The following ACOX2 variants were observed in gnomAD, a reference collection of about 807,000 sequenced individuals.
The protein encoded by ACOX2 is acyl-CoA oxidase 2, also known as peroxisomal acyl-coenzyme A oxidase 2.
In ACOX2, 59 loss-of-function variants were observed where a neutral mutation model predicts 77.5. The ratio of observed to expected loss-of-function variants is 0.76; its 90% CI spans 0.62 to 0.95. ACOX2 has a LOEUF of 0.95. Among genes scored for constraint, ACOX2 ranks in the 40% least tolerant of loss-of-function variants. ACOX2 has a pLI of 0.00. For missense variants in ACOX2, 837 were observed against 880.4 expected (o/e 0.95, Z 0.62); for synonymous variants, 317 against 340.1 (o/e 0.93, Z 0.75).
chr3:58,516,907 A>C (rs2063325088), intron 13 of ACOX2, among the ~76,000 whole-genome samples: 1 of 152,234 alleles, frequency 6.6e-6, no homozygotes, highest in South Asian at 2.1e-4. Context: ...CATATCATTC[A>C]TATGTAGCAT....
Position 58,522,331 on chromosome 3 carries a change from GT to G in ACOX2, c.1632+164del, listed in dbSNP as rs749491200. ...GCCAGCAAGATTGCTTTGGAGTTAA[GT>G]CCTTTAATTAAAATACCCTGGACTA... On this transcript the variant is annotated intron_variant, in intron 12 of 14. Coordinates refer to ENST00000302819, the MANE Select transcript of ACOX2 (RefSeq NM_003500.4). This position sits in a 1 kb window ranked among gnomAD's most constrained non-coding sequence, Gnocchi z 4.3. 1.8e-4 allele frequency among the ~76,000 whole-genome samples: 27 copies of G among 152,328 alleles called. No individual in the cohort carries two copies. The highest frequency in any genetic ancestry group is 2.6e-4 in the Non-Finnish European group (18 of 68,038).
chr3:58,531,651 C>G lies in ACOX2; in HGVS notation c.703+42G>C, dbSNP rs774296304. 9 of 1,603,282 alleles carry G rather than the reference C, an allele frequency of 5.6e-6. No individual in the cohort carries two copies. The highest frequency in any genetic ancestry group is 7.7e-6 in the Non-Finnish European group (9 of 1,174,284). On this transcript the variant is annotated intron_variant, in intron 6 of 14. Coordinates refer to ENST00000302819, the MANE Select transcript of ACOX2 (RefSeq NM_003500.4). This position sits in a 1 kb window ranked among gnomAD's most constrained non-coding sequence, Gnocchi z 5.8. Reference sequence around the variant, plus strand: ...CCAGGTCAGGGAGGCCACCTGGGCTCTCCTCCTGGCAGGGTTCCTTGAGGG... The same window carrying G: ...CCAGGTCAGGGAGGCCACCTGGGCTGTCCTCCTGGCAGGGTTCCTTGAGGG...
chr3:58,532,258 C>G (rs2108010429), intron 5 of ACOX2, among the ~76,000 whole-genome samples: 1 of 152,242 alleles, frequency 6.6e-6, no homozygotes, highest in South Asian at 2.1e-4. Context: ...CATCTGTACC[C>G]TGGTCTGTCT....
chr3:58,534,131 T>C lies in ACOX2; in HGVS notation c.338A>G (p.Asp113Gly), dbSNP rs1335902164. The change falls in exon 4 of 15, where the codon GAC becomes GGC. Residue 113 changes from aspartate to glycine, a missense_variant. Physicochemically the swap from Asp to Gly is moderately conservative, Grantham distance 94. Coordinates refer to ENST00000302819, the MANE Select transcript of ACOX2 (RefSeq NM_003500.4). This position sits in a 1 kb window ranked among gnomAD's most constrained non-coding sequence, Gnocchi z 4.8. ...GACTCTGTGTATATTTAAGGCCACG[T>C]CTCCAGAAAGGGCTCTGTTGGGGAG... is the stretch of plus-strand genomic sequence containing the variant. ...LGYAYRALSG[D>G]VALNIHRVFV... The C allele has an allele frequency of 6.2e-7, 1 of 1,614,136 alleles. No homozygotes were observed. Among genetic ancestry groups the C allele is most frequent in the Middle Eastern group, 1.7e-4 (1 of 6,060 alleles).
rs1025216587 is a variant in ACOX2, at chr3:58,528,380, G to C, written c.1155+414C>G. 6.6e-6 allele frequency among the ~76,000 whole-genome samples: 1 copy of C among 152,178 alleles called. No individual in the cohort carries two copies. The highest frequency in any genetic ancestry group is 2.1e-4 in the South Asian group (1 of 4,828). On this transcript the variant is annotated intron_variant, in intron 9 of 14. Transcript: ENST00000302819. This position sits in a 1 kb window ranked among gnomAD's most constrained non-coding sequence, Gnocchi z 5.6. Reference sequence around the variant, plus strand: ...GCATTTTATATAATAGCCCCAGTGGGGTTTGGGGCAGCTTTAGTGATTAAA... The same window carrying C: ...GCATTTTATATAATAGCCCCAGTGGCGTTTGGGGCAGCTTTAGTGATTAAA...
intron 13 of ACOX2, among the ~76,000 whole-genome samples, chr3:58,510,743 C>T (rs1479698364): frequency 1.0e-5 from 1 of 99,332 alleles, no homozygotes; most frequent in African/African-American, 4.0e-5. Flanking sequence ...CACACACACT[C>T]AACGATTTTT....
In ACOX2 at chr3:58,524,879, A is replaced by C. The variant is rs1198933220; in HGVS notation, c.1347-274T>G. Among the ~76,000 whole-genome samples the C allele has an allele frequency of 6.6e-6, 1 of 152,200 alleles. No individual in the cohort carries two copies. The highest frequency in any genetic ancestry group is 1.5e-5 in the Non-Finnish European group (1 of 68,046). On this transcript the variant is annotated intron_variant, in intron 10 of 14. Transcript: ENST00000302819. The surrounding 1 kb of genome is among the most constrained non-coding windows in gnomAD (Gnocchi z 5.5). ...ACCCTTCTGTGATCTGAGCAAACAG[A>C]ATTTTCCATCAGAACACTGTGATTT...
chr3:58,524,478 C>A lies in ACOX2; in HGVS notation c.1474G>T (p.Asp492Tyr). The change falls in exon 11 of 15, where the codon GAC becomes TAC. Residue 492 changes from aspartate to tyrosine, a missense_variant. Physicochemically the swap from Asp to Tyr is radical, Grantham distance 160. Coordinates refer to ENST00000302819, the MANE Select transcript of ACOX2 (RefSeq NM_003500.4). This position sits in a 1 kb window ranked among gnomAD's most constrained non-coding sequence, Gnocchi z 5.5. ...LARCPAQRAA[D>Y]FLCPELYTTA... ...GTGTAGAGCTCCGGGCAGAGGAAGT[C>A]GGCTGCCCTCTGGGCTGGACACCTG... 1 of 1,613,886 alleles carries A rather than the reference C, an allele frequency of 6.2e-7. No homozygotes were observed. The highest frequency in any genetic ancestry group is 8.5e-7 in the Non-Finnish European group (1 of 1,179,932).
chr3:58,526,383 C>G lies in ACOX2; in HGVS notation c.1346+83G>C. 6.9e-7 allele frequency: 1 copy of G among 1,443,384 alleles called. No individual in the cohort carries two copies. The highest frequency in any genetic ancestry group is 1.4e-5 in the African/African-American group (1 of 69,962). 89.4% of individuals were successfully genotyped at this position (1,443,384 alleles called of 1,614,324 possible). On this transcript the variant is annotated intron_variant, in intron 10 of 14. Coordinates refer to ENST00000302819, the MANE Select transcript of ACOX2 (RefSeq NM_003500.4). The surrounding 1 kb of genome is among the most constrained non-coding windows in gnomAD (Gnocchi z 4.3). The stretch of plus-strand genomic sequence containing the variant: ...TCGCAAAGCCTGCTCTTTTTATGGG[C>G]CTCAGACGGAACCCTCCACCCAACA...
intron 1 of ACOX2, among the ~76,000 whole-genome samples, chr3:58,536,882 CAT>C (rs755183075): frequency 9.2e-5 from 14 of 152,196 alleles, no homozygotes; most frequent in Non-Finnish European, 1.5e-4. Context: ...TTACTCATTT[CAT>C]ATGTTTTTGT....
Position 58,537,167 on chromosome 3 carries a change from C to A in ACOX2, c.-140G>T, listed in dbSNP as rs886094442. On this transcript the variant is annotated 5_prime_UTR_variant, in exon 1 of 15. Coordinates refer to ENST00000302819, the MANE Select transcript of ACOX2 (RefSeq NM_003500.4). Reference sequence around the variant, plus strand: ...CGCACTGTAGGCCGGGCTGGCCTCTCCCCGGCTGTAGGCCGCAGCCTCTGG... The same window carrying A: ...CGCACTGTAGGCCGGGCTGGCCTCTACCCGGCTGTAGGCCGCAGCCTCTGG... The A allele has an allele frequency of 6.6e-6, 1 of 152,566 alleles. No homozygotes were observed. The highest frequency in any genetic ancestry group is 1.5e-5 in the Non-Finnish European group (1 of 68,334). 9.5% of individuals were successfully genotyped at this position (152,566 alleles called of 1,614,324 possible).
At position 58,531,163 on chromosome 3, in the gene ACOX2, G is replaced by T; in HGVS notation, c.819+88C>A. 1 of 1,207,494 alleles carries T rather than the reference G, an allele frequency of 8.3e-7. No homozygotes were observed. Among genetic ancestry groups the T allele is most frequent in the Non-Finnish European group, 1.2e-6 (1 of 848,018 alleles). 74.8% of individuals were successfully genotyped at this position (1,207,494 alleles called of 1,614,324 possible). A position where few individuals can be genotyped will look rare whatever the true frequency, so the allele number is the denominator to read the frequency against. On this transcript the variant is annotated intron_variant, in intron 7 of 14. Coordinates refer to ENST00000302819, the MANE Select transcript of ACOX2 (RefSeq NM_003500.4). The surrounding 1 kb of genome is among the most constrained non-coding windows in gnomAD (Gnocchi z 5.8). ...GAGGAGGTTATGTGGCCCAAACTAA[G>T]CTCTATGGAGGACCCAGGCCCAGCC...
At position 58,534,015 on chromosome 3, in the gene ACOX2, C is replaced by T; in HGVS notation, c.454G>A (p.Ala152Thr). 1 of 1,614,200 alleles carries T rather than the reference C, an allele frequency of 6.2e-7. No individual in the cohort carries two copies. Among genetic ancestry groups the T allele is most frequent in the South Asian group, 1.1e-5 (1 of 91,080 alleles). The change falls in exon 4 of 15, where the codon GCA becomes ACA. Residue 152 changes from alanine to threonine, a missense_variant. Ala to Thr is a moderately conservative substitution (Grantham distance 58, BLOSUM62 0). Transcript: ENST00000302819. This position sits in a 1 kb window ranked among gnomAD's most constrained non-coding sequence, Gnocchi z 4.8. Reference protein sequence around the residue: ...CKNIQIIATYAQTELGHGTYL... With the variant: ...CKNIQIIATYTQTELGHGTYL... The stretch of plus-strand genomic sequence containing the variant: ...TCACCATGTCCCAACTCTGTCTGTG[C>T]ATACGTTGCGATGATCTGGATGTTT...
Position 58,526,400 on chromosome 3 carries a change from C to T in ACOX2, c.1346+66G>A. 1 of 1,501,756 alleles carries T rather than the reference C, an allele frequency of 6.7e-7. No homozygotes were observed. The highest frequency in any genetic ancestry group is 1.3e-5 in the South Asian group (1 of 75,688). The allele number at this position is 1,501,756 out of a possible 1,614,324, so 93.0% of individuals were successfully genotyped here. On this transcript the variant is annotated intron_variant, in intron 10 of 14. Transcript: ENST00000302819. The surrounding 1 kb of genome is among the most constrained non-coding windows in gnomAD (Gnocchi z 4.3). ...TTTATGGGCCTCAGACGGAACCCTC[C>T]ACCCAACAGAAGCTTGGTGGGTCCC...
At position 58,505,808 on chromosome 3, in the gene ACOX2, T is replaced by C. The variant is rs539256586; in HGVS notation, c.1984-522A>G. On this transcript the variant is annotated intron_variant, in intron 14 of 14. Transcript: ENST00000302819. The surrounding 1 kb of genome is among the most constrained non-coding windows in gnomAD (Gnocchi z 4.4). ...ACACTGGGCTTTTGACTGTTTTTTTTTGGAGACAGTATTGCTCTGTTGCCC... is the reference window on the plus strand; with the variant it reads ...ACACTGGGCTTTTGACTGTTTTTTTCTGGAGACAGTATTGCTCTGTTGCCC... Among the ~76,000 whole-genome samples, 1 of 152,122 alleles carries C rather than the reference T, an allele frequency of 6.6e-6. No individual in the cohort carries two copies. The highest frequency in any genetic ancestry group is 1.5e-5 in the Non-Finnish European group (1 of 67,974).
rs1237397719 is a variant in ACOX2, at chr3:58,514,340, G to A, written c.1850+2866C>T. Among the ~76,000 whole-genome samples, 2 of 152,194 alleles carry A rather than the reference G, an allele frequency of 1.3e-5. No homozygotes were observed. The highest frequency in any genetic ancestry group is 6.5e-5 in the Admixed American group (1 of 15,280). On this transcript the variant is annotated intron_variant, in intron 13 of 14. Coordinates refer to ENST00000302819, the MANE Select transcript of ACOX2 (RefSeq NM_003500.4). The surrounding 1 kb of genome is among the most constrained non-coding windows in gnomAD (Gnocchi z 4.3). ...TTCACTGATGTTTTAGTAGGGTTTC[G>A]GGAAAGAACAGAAGTAAATGCATAG...
chr3:58,513,162 C>T (rs1037375133), intron 13 of ACOX2, among the ~76,000 whole-genome samples: 1 of 152,114 alleles, frequency 6.6e-6, no homozygotes, highest in South Asian at 2.1e-4. Flanking sequence ...CCACTTCCTG[C>T]TATCCTTTCT....
chr3:58,511,799 A>T (rs567635693), intron 13 of ACOX2: 1 of 152,404 alleles, frequency 6.6e-6, no homozygotes, highest in South Asian at 2.1e-4. Flanking sequence ...CCCGTTTAGG[A>T]CAAAACTCCC....
At position 58,517,191 on chromosome 3, in the gene ACOX2, GTC is replaced by G. The variant is rs745582797; in HGVS notation, c.1850+13_1850+14del. ...TCTCTGAAGACTAACATGGTTTGAA[GTC>G]TCTGCCACTCACCGGATCAGGCGGA... is the stretch of plus-strand genomic sequence containing the variant. On this transcript the variant is annotated intron_variant, in intron 13 of 14. Transcript: ENST00000302819. The G allele has an allele frequency of 2.8e-5, 45 of 1,612,358 alleles. No individual in the cohort carries two copies. In the African/African-American group the frequency reaches 3.3e-4, roughly 12 times the overall value.
Sources: allele counts gnomAD v4.1 joint callset (sites outside exome capture counted in the v4.1 genomes callset), GRCh38; gene constraint gnomAD v4.1.1; non-coding constraint Gnocchi (gnomAD v3.1); transcripts MANE v1.5; gene names NCBI Gene and HGNC (gene_info 2026-07-23, HGNC 2026-07-21).